DLGAP2: variants seen among roughly 807,000 people sequenced by gnomAD.
DLGAP2 encodes disks large-associated protein 2.
Under a neutral mutation model 100.3 loss-of-function variants are expected in DLGAP2, and 26 were observed. The ratio of observed to expected loss-of-function variants is 0.26; its 90% confidence interval spans 0.19 to 0.36. The LOEUF (loss-of-function observed/expected upper bound fraction) is 0.36, where lower values mean the gene tolerates loss of function less well. Among genes scored for constraint, DLGAP2 ranks in the 10% least tolerant of loss-of-function variants. The probability of loss-of-function intolerance (pLI) is 1.00; values close to 1 mark genes in which losing one functional copy is unlikely to be tolerated. For missense variants in DLGAP2, 1,858 were observed against 1,453.2 expected (o/e 1.28, Z -4.53); for synonymous variants, 886 against 630.1 (o/e 1.41, Z -6.08).
chr8:868,710 C>A (rs1189945003), intron 1 of DLGAP2, among the ~76,000 whole-genome samples: 1 of 152,154 alleles, frequency 6.6e-6, no homozygotes, highest in Non-Finnish European at 1.5e-5. Flanking sequence ...GTGTCTGAGG[C>A]GTCTGCAGCC....
intron 4 of DLGAP2, among the ~76,000 whole-genome samples, chr8:1,502,396 G>A (rs1171259729): frequency 6.6e-6 from 1 of 152,198 alleles, no homozygotes; most frequent in Non-Finnish European, 1.5e-5. Flanking sequence ...AGTCCACTTT[G>A]TATAAAGCTG....
chr8:1,316,271 G>T (rs1800745655), intron 3 of DLGAP2, among the ~76,000 whole-genome samples: 2 of 136,118 alleles, frequency 1.5e-5, no homozygotes, highest in Non-Finnish European at 3.2e-5. Flanking sequence ...AATAGAGCGT[G>T]TGCGAGTGCA....
chr8:1,479,012 A>G (rs1799014846), intron 3 of DLGAP2, among the ~76,000 whole-genome samples: 1 of 152,260 alleles, frequency 6.6e-6, no homozygotes, highest in Non-Finnish European at 1.5e-5. Context: ...TTAGCATTTC[A>G]CAAATGATGC....
intron 2 of DLGAP2, among the ~76,000 whole-genome samples, chr8:1,104,199 G>A (rs1351544242): frequency 3.3e-5 from 5 of 152,182 alleles, no homozygotes; most frequent in South Asian, 4.1e-4. Context: ...ATCCAGCCCC[G>A]GCCACGGTGG....
At chr8:1,515,036 GACCAACGTGCAGGGAT>G (rs1477762674) in intron 4 of DLGAP2, among the ~76,000 whole-genome samples, 2 of 151,650 alleles carry the variant, frequency 1.3e-5, no homozygotes, top group South Asian at 2.1e-4. Flanking sequence ...CGTGCAGGGA[GACCAACGTGCAGGGAT>G]ACCGATCCCT....
At chr8:1,373,006 G>T (rs1287415059) in intron 3 of DLGAP2, among the ~76,000 whole-genome samples, 1 of 152,162 alleles carries the variant, frequency 6.6e-6, no homozygotes, top group Non-Finnish European at 1.5e-5. Context: ...TGACAGTTTC[G>T]CTCATAGTTG....
chr8:1,622,502 T>C (rs1797371683), intron 6 of DLGAP2: 1 of 152,162 alleles, frequency 6.6e-6, no homozygotes, highest in Admixed American at 6.5e-5. Flanking sequence ...CAGAGGAGGT[T>C]CTGAGCCCAG....
intron 2 of DLGAP2, among the ~76,000 whole-genome samples, chr8:1,148,873 T>G (rs191478181): frequency 6.6e-6 from 1 of 152,228 alleles, no homozygotes. Flanking sequence ...ATGTTTTGTG[T>G]GTACTTAAAA....
chr8:1,181,203 A>G (rs1189621705), intron 2 of DLGAP2, among the ~76,000 whole-genome samples: 1 of 123,872 alleles, frequency 8.1e-6, no homozygotes, highest in African/African-American at 3.2e-5. Context: ...CAAGGGCAGT[A>G]CACTTACTGT....
intron 2 of DLGAP2, among the ~76,000 whole-genome samples, chr8:1,007,935 G>A (rs528192164): frequency 6.6e-5 from 10 of 152,252 alleles, no homozygotes; most frequent in East Asian, 5.8e-4. Context: ...CATGGCGCCC[G>A]GTCCGTCTCG....
intron 2 of DLGAP2, among the ~76,000 whole-genome samples, chr8:1,191,679 A>G (rs1464449421): frequency 6.6e-6 from 1 of 152,160 alleles, no homozygotes; most frequent in Non-Finnish European, 1.5e-5. Context: ...AGAAATCAAG[A>G]AGGAACTTGA....
intron 1 of DLGAP2, among the ~76,000 whole-genome samples, chr8:794,476 C>G (rs1795984776): frequency 6.6e-6 from 1 of 152,144 alleles, no homozygotes; most frequent in South Asian, 2.1e-4. Flanking sequence ...TAAAAGTCTC[C>G]CTTATGAGAA....
At chr8:1,430,354 C>A (rs1266549811) in intron 3 of DLGAP2, among the ~76,000 whole-genome samples, 1 of 152,112 alleles carries the variant, frequency 6.6e-6, no homozygotes, top group Non-Finnish European at 1.5e-5. Flanking sequence ...AACTTAGCCA[C>A]ATTTACGTTG....
chr8:1,306,680 TGCTG>T (rs1800499347), intron 3 of DLGAP2, among the ~76,000 whole-genome samples: 1 of 152,126 alleles, frequency 6.6e-6, no homozygotes, highest in African/African-American at 2.4e-5. Context: ...TGTGGTTAAG[TGCTG>T]GCATAATCAC....
intron 2 of DLGAP2, among the ~76,000 whole-genome samples, chr8:1,012,359 T>A (rs938326276): frequency 6.6e-6 from 1 of 152,244 alleles, no homozygotes; most frequent in Non-Finnish European, 1.5e-5. Flanking sequence ...ACAGATACTG[T>A]ACTGTGATAG....
chr8:994,633 A>G (rs757516358), intron 2 of DLGAP2, among the ~76,000 whole-genome samples: 10 of 152,098 alleles, frequency 6.6e-5, no homozygotes, highest in Non-Finnish European at 1.2e-4. Flanking sequence ...CTTGGGATGG[A>G]TGCATCCTTG....
chr8:1,220,805 T>G (rs1247834456), intron 2 of DLGAP2, among the ~76,000 whole-genome samples: 1 of 152,228 alleles, frequency 6.6e-6, no homozygotes, highest in East Asian at 1.9e-4. Context: ...GCCTATATAT[T>G]TAGTTTTGTT....
At chr8:1,418,263 C>G (rs1584879650) in intron 3 of DLGAP2, among the ~76,000 whole-genome samples, 3 of 152,128 alleles carry the variant, frequency 2.0e-5, no homozygotes, top group East Asian at 1.9e-4. Context: ...TGTGTAATAA[C>G]TAAGTCATTT....
chr8:1,532,455 C>A (rs1374616180), intron 4 of DLGAP2, among the ~76,000 whole-genome samples: 1 of 152,164 alleles, frequency 6.6e-6, no homozygotes, highest in Non-Finnish European at 1.5e-5. Flanking sequence ...AAACATCCTT[C>A]TGCAGTGTCT....
Sources: allele counts gnomAD v4.1 joint callset (sites outside exome capture counted in the v4.1 genomes callset), GRCh38; gene constraint gnomAD v4.1.1; transcripts MANE v1.5; gene names NCBI Gene and HGNC (gene_info 2026-07-23, HGNC 2026-07-21).